The following PRMT9 variants were observed in gnomAD, a reference collection of about 807,000 sequenced individuals.
PRMT9 encodes the protein protein arginine methyltransferase 9, also known as protein arginine N-methyltransferase 9.
A neutral mutation model predicts 83.2 loss-of-function variants in PRMT9; 59 were observed. The ratio of observed to expected loss-of-function variants is 0.71; its 90% CI spans 0.57 to 0.88. PRMT9 has a LOEUF of 0.88. Ranked by LOEUF, PRMT9 falls within the 40% of genes least tolerant of loss-of-function variation. The pLI is 0.00. For missense variants in PRMT9, 947 were observed against 1,021.9 expected (o/e 0.93, Z 1.00); for synonymous variants, 333 against 353.2 (o/e 0.94, Z 0.64).
chr4:147,639,621 T>C (rs1277167341), intron 10 of PRMT9, among the ~76,000 whole-genome samples: 1 of 152,172 alleles, frequency 6.6e-6, no homozygotes, highest in African/African-American at 2.4e-5. Flanking sequence ...CCCCAAACCA[T>C]CTGGCATTAG....
intron 10 of PRMT9, among the ~76,000 whole-genome samples, chr4:147,642,231 C>T (rs971222135): frequency 9.9e-5 from 15 of 151,978 alleles, no homozygotes; most frequent in Admixed American, 6.6e-4. Context: ...GATTCGAAGG[C>T]GTATCTAAAA....
Position 147,673,057 on chromosome 4 carries a change from A to G in PRMT9, c.645T>C (p.Leu215=). The G allele has an allele frequency of 6.2e-7, 1 of 1,614,052 alleles. No individual in the cohort carries two copies. Among genetic ancestry groups the G allele is most frequent in the Non-Finnish European group, 8.5e-7 (1 of 1,179,920 alleles). ...ACELSKTMYE[L]ACDVVAANKM... is the part of the protein sequence containing the mutation. ...TGTTTGCTGCCACGACATCACAGGC[A>G]AGTTCATACATGGTCTTGGATAACT... Residue 215 remains leucine, a synonymous_variant, in exon 4 of 12, where the codon CTT becomes CTC. Coordinates refer to ENST00000322396, the MANE Select transcript of PRMT9 (RefSeq NM_138364.4).
chr4:147,669,964 T>C lies in PRMT9; in HGVS notation c.846+677A>G, dbSNP rs117054729. Among the ~76,000 whole-genome samples, 24 of 152,306 alleles carry C rather than the reference T, an allele frequency of 1.6e-4. No individual in the cohort carries two copies. In the East Asian group the frequency reaches 4.3e-3, roughly 27 times the overall value. ...CAGCTATTACTATACTCCCTTCTGA[T>C]AATTTGCCAAAATTCTAGGCAGTGA... On this transcript the variant is annotated intron_variant, in intron 5 of 11. Transcript: ENST00000322396.
At chr4:147,656,869 C>G (rs1044167974) in intron 8 of PRMT9, among the ~76,000 whole-genome samples, 12 of 151,458 alleles carry the variant, frequency 7.9e-5, no homozygotes, top group Admixed American at 4.6e-4. Flanking sequence ...TCAAGCAATC[C>G]TCCCACCTGG....
chr4:147,638,491 T>A lies in PRMT9; in HGVS notation c.*41A>T. 1.3e-6 allele frequency: 2 copies of A among 1,483,766 alleles called. No homozygotes were observed. Among genetic ancestry groups the A allele is most frequent in the Non-Finnish European group, 1.9e-6 (2 of 1,062,534 alleles). 91.9% of individuals were successfully genotyped at this position (1,483,766 alleles called of 1,614,324 possible). On this transcript the variant is annotated 3_prime_UTR_variant, in exon 12 of 12. Transcript: ENST00000322396. Reference sequence around the variant, plus strand: ...AATTAAGACAAGAATTTTGTACTTGTTGATGCTCTATTTACACAGTTTTCA... The same window carrying A: ...AATTAAGACAAGAATTTTGTACTTGATGATGCTCTATTTACACAGTTTTCA...
In PRMT9 at chr4:147,653,926, G is replaced by A. The variant is rs370542261; in HGVS notation, c.1971C>T (p.Ser657=). Residue 657 remains serine, a synonymous_variant, in exon 9 of 12, where the codon AGC becomes AGT. Coordinates refer to ENST00000322396, the MANE Select transcript of PRMT9 (RefSeq NM_138364.4). Reference sequence around the variant, plus strand: ...GCTCAATGACATCCAATATAATTATGCTCCATAACTTGTCTGATTTTGGCC... The same window carrying A: ...GCTCAATGACATCCAATATAATTATACTCCATAACTTGTCTGATTTTGGCC... ...LQRPKSDKLW[S]IIILDVIEPS... is the part of the protein sequence containing the mutation. The A allele has an allele frequency of 6.2e-7, 1 of 1,613,880 alleles. No homozygotes were observed. Among genetic ancestry groups the A allele is most frequent in the Non-Finnish European group, 8.5e-7 (1 of 1,180,022 alleles).
chr4:147,657,914 C>G lies in PRMT9; in HGVS notation c.1208G>C (p.Gly403Ala), dbSNP rs774105438. Reference protein sequence around the residue: ...DKIGIPVIKEGILDAIMVWFV... With the variant: ...DKIGIPVIKEAILDAIMVWFV... ...CCAAACCATAATAGCATCTAGTATG[C>G]CTTCTTTAATAACAGGAATACCAAT... Residue 403 changes from glycine to alanine, a missense_variant, in exon 8 of 12, where the codon GGC (glycine) becomes GCC (alanine). By Grantham distance (60) the Gly-to-Ala change is moderately conservative. Coordinates refer to ENST00000322396, the MANE Select transcript of PRMT9 (RefSeq NM_138364.4). 2.5e-6 allele frequency: 4 copies of G among 1,605,632 alleles called. No homozygotes were observed. In the African/African-American group the frequency reaches 5.5e-5, roughly 22 times the overall value.
At chr4:147,660,793 T>G in intron 7 of PRMT9, 53 bp downstream of exon 7, 1 of 1,194,626 alleles carries the variant, frequency 8.4e-7, no homozygotes, top group South Asian at 1.2e-5. Flanking sequence ...ATATATTATT[T>G]TAAACAATGC....
chr4:147,674,906 C>T (rs1045814769), intron 2 of PRMT9, among the ~76,000 whole-genome samples: 8 of 152,250 alleles, frequency 5.3e-5, no homozygotes, highest in African/African-American at 1.9e-4. Context: ...TGGAACAGAA[C>T]TGAGCTAGTA....
In PRMT9 at chr4:147,651,276, A is replaced by T. The variant is rs1018638093; in HGVS notation, c.2045+2576T>A. Among the ~76,000 whole-genome samples the T allele has an allele frequency of 2.7e-4, 41 of 152,320 alleles. 1 individual carries two copies. Among genetic ancestry groups the T allele is most frequent in the African/African-American group, 8.9e-4 (37 of 41,570 alleles). ...TGAATATAAGACCTTAAACTATAGA[A>T]CTTCTGAAAGACAATACAGGAGAAA... On this transcript the variant is annotated intron_variant, in intron 9 of 11. Transcript: ENST00000322396.
chr4:147,652,194 CTAATTTAAT>C (rs1481583161), intron 9 of PRMT9, among the ~76,000 whole-genome samples: 2 of 151,694 alleles, frequency 1.3e-5, no homozygotes, highest in East Asian at 3.9e-4. Context: ...TCTTTACTTT[CTAATTTAAT>C]TAATTTAAAA....
intron 9 of PRMT9, among the ~76,000 whole-genome samples, chr4:147,646,596 AGAGT>A (rs1207799846): frequency 7.0e-6 from 1 of 143,714 alleles, no homozygotes; most frequent in Non-Finnish European, 1.5e-5. Context: ...CCTGGGTGAC[AGAGT>A]AAGAGCCTGC....
intron 10 of PRMT9, 55 bp from the exon 11 acceptor site, chr4:147,639,137 A>C (rs1267637933): frequency 1.7e-5 from 27 of 1,590,406 alleles, no homozygotes; most frequent in Non-Finnish European, 2.2e-5. Context: ...GTCAGGGCTC[A>C]AGTTTTTCAC....
At chr4:147,675,315 G>A (rs1426281154) in intron 2 of PRMT9, among the ~76,000 whole-genome samples, 2 of 152,108 alleles carry the variant, frequency 1.3e-5, no homozygotes, top group Admixed American at 1.3e-4. Context: ...TCCAGGTATG[G>A]TTTAAGCAAA....
intron 6 of PRMT9, among the ~76,000 whole-genome samples, chr4:147,668,030 T>G (rs564567364): frequency 6.6e-6 from 1 of 151,048 alleles, no homozygotes; most frequent in African/African-American, 2.4e-5. Flanking sequence ...AGCATGAATT[T>G]AAAGGTCACA....
intron 7 of PRMT9, among the ~76,000 whole-genome samples, chr4:147,659,760 T>A (rs1734823486): frequency 6.6e-6 from 1 of 152,090 alleles, no homozygotes; most frequent in African/African-American, 2.4e-5. Context: ...TGTATTTTTT[T>A]AGTAGAGACA....
chr4:147,661,134 G>A, intron 6 of PRMT9, 96 bp from the exon 7 acceptor site: 1 of 793,104 alleles, frequency 1.3e-6, no homozygotes, highest in Non-Finnish European at 2.2e-6. Flanking sequence ...ATACAAAAAT[G>A]AAATAAAACC....
chr4:147,654,068 A>G lies in PRMT9; in HGVS notation c.1829T>C (p.Val610Ala). 4 of 1,614,232 alleles carry G rather than the reference A, an allele frequency of 2.5e-6. No individual in the cohort carries two copies. Among genetic ancestry groups the G allele is most frequent in the Non-Finnish European group, 3.4e-6 (4 of 1,180,038 alleles). The change falls in exon 9 of 12, where the codon GTG (valine) becomes GCG (alanine). Residue 610 changes from valine to alanine, a missense_variant. Physicochemically the swap from Val to Ala is moderately conservative, Grantham distance 64. Transcript: ENST00000322396. ...TLGQVKPYSSVEKDQHRIALD... is the reference protein window; with the variant it reads ...TLGQVKPYSSAEKDQHRIALD... ...AGCAATACGATGCTGGTCTTTCTCC[A>G]CAGAACTGTATGGTTTAACCTGCCC...
intron 7 of PRMT9, among the ~76,000 whole-genome samples, chr4:147,659,497 T>G (rs1245833516): frequency 6.6e-6 from 1 of 152,014 alleles, no homozygotes; most frequent in African/African-American, 2.4e-5. Flanking sequence ...AACATTTATG[T>G]ACTTGAACAT....
Sources: allele counts gnomAD v4.1 joint callset (sites outside exome capture counted in the v4.1 genomes callset), GRCh38; gene constraint gnomAD v4.1.1; transcripts MANE v1.5; gene names NCBI Gene and HGNC (gene_info 2026-07-23, HGNC 2026-07-21).